The following SYNE2 variants were observed in gnomAD, a reference collection of about 807,000 sequenced individuals.
SYNE2 encodes the protein nesprin-2.
A neutral mutation model predicts 856.3 loss-of-function variants in SYNE2; 431 were observed. The observed-to-expected ratio is 0.50, with a 90% CI of 0.47 to 0.55. The LOEUF (loss-of-function observed/expected upper bound fraction) is 0.55, where lower values mean the gene tolerates loss of function less well. Ranked by LOEUF, SYNE2 falls within the 20% of genes least tolerant of loss-of-function variation. The probability of loss-of-function intolerance (pLI) is 0.00; values close to 1 mark genes in which losing one functional copy is unlikely to be tolerated. For synonymous variants in SYNE2, 2,923 were observed against 2,872.3 expected (o/e 1.02, Z -0.56); for missense variants, 8,129 against 8,023.2 (o/e 1.01, Z -0.50).
In SYNE2 at chr14:64,159,413, C is replaced by A. The variant is rs36002764; in HGVS notation, c.16065C>A (p.Ile5355=). The A allele has an allele frequency of 2.2e-4, 350 of 1,613,760 alleles. No individual in the cohort carries two copies. The African/African-American group carries it at 4.3e-3, about 20-fold the overall frequency. ...KGLCPSVAEI[I]EEKCQNTHKR... is the part of the protein sequence containing the mutation. ...TCTGCCCCTCTGTTGCTGAAATAAT[C>A]GAAGAGAAATGCCAAAATACTCATA... Residue 5355 remains isoleucine (I), a synonymous_variant, in exon 87 of 116, where the codon ATC becomes ATA. Coordinates refer to ENST00000555002, the MANE Select transcript of SYNE2 (RefSeq NM_182914.3).
At chr14:63,950,764 C>T (rs1201989722) in intron 7 of SYNE2, among the ~76,000 whole-genome samples, 1 of 152,098 alleles carries the variant, frequency 6.6e-6, no homozygotes, top group African/African-American at 2.4e-5. Flanking sequence ...TCAATTGATC[C>T]TTCCACCTTA....
chr14:63,941,620 AC>A, intron 3 of SYNE2, 74 bp from the exon 4 acceptor site: 1 of 1,271,402 alleles, frequency 7.9e-7, no homozygotes, highest in Non-Finnish European at 1.1e-6. Context: ...TTCACAAAGC[AC>A]ATTTATGAGA....
In SYNE2 at chr14:64,021,995, G is replaced by GT; in HGVS notation, c.5495dup (p.Leu1832PhefsTer7). On this transcript the variant is annotated frameshift_variant, in exon 37 of 116. Coordinates refer to ENST00000555002, the MANE Select transcript of SYNE2 (RefSeq NM_182914.3). LOFTEE classifies it high-confidence loss of function. Reference sequence around the variant, plus strand: ...TGATTTATTTAATACCAAAAAAAGTGTTTTGCAAGATCACTTTTCTAAGTT... The same window carrying GT: ...TGATTTATTTAATACCAAAAAAAGTGTTTTTGCAAGATCACTTTTCTAAGTT... 6.2e-7 allele frequency: 1 copy of GT among 1,613,756 alleles called. No homozygotes were observed. Among genetic ancestry groups the GT allele is most frequent in the South Asian group, 1.1e-5 (1 of 91,066 alleles).
Position 64,052,729 on chromosome 14 carries a change from A to G in SYNE2, c.8816A>G (p.Glu2939Gly). Residue 2939 changes from glutamate to glycine, a missense_variant, in exon 48 of 116, where the codon GAA becomes GGA. Glu to Gly is a moderately conservative substitution (Grantham distance 98). This residue lies in a region of SYNE2 where 5,410 missense variants were observed against 5,284.8 expected (regional missense o/e 1.02). Transcript: ENST00000555002. ...RFIQNTCNEV[E>G]HKIKFCRQFH... ...ATTCAGAATACATGTAATGAAGTGG[A>G]ACACAAGATAAAGTTTTGCAGACAA... 6.2e-7 allele frequency: 1 copy of G among 1,613,592 alleles called. No individual in the cohort carries two copies. The highest frequency in any genetic ancestry group is 8.5e-7 in the Non-Finnish European group (1 of 1,179,732).
intron 64 of SYNE2, among the ~76,000 whole-genome samples, chr14:64,102,501 A>ATTTTTT (rs1211142346): frequency 8.5e-6 from 1 of 118,268 alleles, no homozygotes. Flanking sequence ...CATGGGCTGA[A>ATTTTTT]TTTTTTTTTT....
intron 100 of SYNE2, chr14:64,207,931 G>A (rs1396095744): frequency 2.2e-6 from 1 of 450,018 alleles, no homozygotes; most frequent in Non-Finnish European, 4.5e-6. Flanking sequence ...GGCAAAACAG[G>A]TTCCTTATCT....
intron 99 of SYNE2, among the ~76,000 whole-genome samples, chr14:64,199,378 G>C (rs2098552227): frequency 6.6e-6 from 1 of 152,142 alleles, no homozygotes; most frequent in South Asian, 2.1e-4. Flanking sequence ...TTTACTCTCT[G>C]TGCCTCGGTT....
At chr14:63,996,705 G>T (rs981260644) in intron 23 of SYNE2, among the ~76,000 whole-genome samples, 1 of 151,926 alleles carries the variant, frequency 6.6e-6, no homozygotes, top group Non-Finnish European at 1.5e-5. Flanking sequence ...AGGCGGGTAG[G>T]CTCTATCATA....
Position 64,042,877 on chromosome 14 carries a change from G to A in SYNE2, c.7222-5123G>A, listed in dbSNP as rs533729060. Reference sequence around the variant, plus strand: ...TTGCTGAAAAGATACCTGAAAATGTGGAAGTGACTTAGGAACTGGGTAACA... The same window carrying A: ...TTGCTGAAAAGATACCTGAAAATGTAGAAGTGACTTAGGAACTGGGTAACA... On this transcript the variant is annotated intron_variant, in intron 45 of 115. Transcript: ENST00000555002. Among the ~76,000 whole-genome samples the A allele has an allele frequency of 1.9e-3, 288 of 152,290 alleles. 2 individuals carry two copies. The highest frequency in any genetic ancestry group is 3.5e-3 in the Non-Finnish European group (238 of 68,032).
chr14:63,819,548 T>C (rs1374144723), intron 1 of SYNE2, among the ~76,000 whole-genome samples: 3 of 151,518 alleles, frequency 2.0e-5, no homozygotes, highest in Admixed American at 2.0e-4. Flanking sequence ...TTTCTTTTTT[T>C]TTTTTTGAGA....
chr14:64,071,134 C>T (rs954011061), intron 52 of SYNE2, among the ~76,000 whole-genome samples: 3 of 152,088 alleles, frequency 2.0e-5, no homozygotes, highest in Non-Finnish European at 4.4e-5. Context: ...CCTTTTTTAT[C>T]ATTTGTGGGT....
intron 1 of SYNE2, among the ~76,000 whole-genome samples, chr14:63,902,690 T>C (rs1566756796): frequency 6.6e-6 from 1 of 151,872 alleles, no homozygotes; most frequent in Non-Finnish European, 1.5e-5. Context: ...TCTTTCCTTT[T>C]TGTTTTTTTC....
intron 60 of SYNE2, among the ~76,000 whole-genome samples, chr14:64,092,959 C>T (rs760127554): frequency 8.6e-5 from 13 of 151,380 alleles, no homozygotes; most frequent in Non-Finnish European, 1.5e-4. Context: ...AAAGCCCCCC[C>T]GCTCCCCCGG....
At chr14:63,906,211 T>G (rs1417336783) in intron 1 of SYNE2, among the ~76,000 whole-genome samples, 1 of 152,174 alleles carries the variant, frequency 6.6e-6, no homozygotes, top group Non-Finnish European at 1.5e-5. Context: ...TTTGCTAGTA[T>G]TTTGTTGAGA....
intron 1 of SYNE2, among the ~76,000 whole-genome samples, chr14:63,835,725 T>C (rs944419358): frequency 6.6e-6 from 1 of 152,162 alleles, no homozygotes; most frequent in South Asian, 2.1e-4. Context: ...GGCTAACGCC[T>C]GTAATCCCAG....
rs1340452798 is a variant in SYNE2, at chr14:64,152,729, AT to A, written c.15792+16del. 1.6e-5 allele frequency: 26 copies of A among 1,613,972 alleles called. No homozygotes were observed. The highest frequency in any genetic ancestry group is 1.9e-5 in the Non-Finnish European group (23 of 1,179,906). On this transcript the variant is annotated intron_variant, in intron 85 of 115. Coordinates refer to ENST00000555002, the MANE Select transcript of SYNE2 (RefSeq NM_182914.3). The stretch of plus-strand genomic sequence containing the variant: ...TGTTCTCACTCAGGTACTAGAATTC[AT>A]TTGAAATGTGCTATTTCTCTTCACA...
At chr14:63,938,720 T>G (rs2095862325) in intron 2 of SYNE2, among the ~76,000 whole-genome samples, 1 of 151,984 alleles carries the variant, frequency 6.6e-6, no homozygotes, top group African/African-American at 2.4e-5. Context: ...GAGAGCCAGG[T>G]TTCCATGAAA....
upstream of SYNE2, among the ~76,000 whole-genome samples, chr14:63,851,975 CGGGG>C (rs113075796): frequency 2.3e-3 from 54 of 23,600 alleles, 1 homozygote; most frequent in African/African-American, 9.7e-3. Flanking sequence ...AGCTACTAAG[CGGGG>C]GGGGGGGGGG....
At chr14:63,980,250 C>T (rs757584633) in intron 14 of SYNE2, among the ~76,000 whole-genome samples, 21 of 152,034 alleles carry the variant, frequency 1.4e-4, no homozygotes, top group Non-Finnish European at 2.4e-4. Context: ...CTTTTTGTAA[C>T]GTACGCTAAT....
Sources: allele counts gnomAD v4.1 joint callset (sites outside exome capture counted in the v4.1 genomes callset), GRCh38; gene constraint gnomAD v4.1.1; regional missense constraint gnomAD v4.1.1; transcripts MANE v1.5; gene names NCBI Gene and HGNC (gene_info 2026-07-23, HGNC 2026-07-21).